COL6A5: variants seen among roughly 807,000 people sequenced by gnomAD.
COL6A5 encodes collagen type VI alpha 5 chain.
In COL6A5, 48 loss-of-function variants were observed where a neutral mutation model predicts 65.6. The observed-to-expected ratio is 0.73, with a 90% CI of 0.58 to 0.93. The LOEUF (loss-of-function observed/expected upper bound fraction) is 0.93, where lower values mean the gene tolerates loss of function less well. Ranked by LOEUF, COL6A5 falls within the 40% of genes least tolerant of loss-of-function variation. The pLI is 0.00. For missense variants in COL6A5, 914 were observed against 928.3 expected (o/e 0.98, Z 0.20); for synonymous variants, 291 against 322.8 (o/e 0.90, Z 1.05).
At chr3:130,362,308 ATATATATATATATATATATTTTTT>A (rs1190657573) in intron 1 of COL6A5, among the ~76,000 whole-genome samples, 2,035 of 21,060 alleles carry the variant, frequency 0.097, 114 homozygotes, top group South Asian at 0.24. Context: ...ATATATATAT[ATATATATATATATATATATTTTTT>A]TTTTTTTTTT....
chr3:130,382,224 A>T (rs1173480946), intron 4 of COL6A5, among the ~76,000 whole-genome samples: 1 of 152,090 alleles, frequency 6.6e-6, no homozygotes, highest in East Asian at 1.9e-4. Flanking sequence ...GAAAACAAAC[A>T]AACAAACAAC....
At chr3:130,484,216 G>T in exon 8 of COL6A5, 1 of 625,564 alleles carries the variant, frequency 1.6e-6, no homozygotes, top group East Asian at 2.9e-5. Flanking sequence ...CTCAAATCTT[G>T]AGGAGAAGAA....
intron 7 of COL6A5, among the ~76,000 whole-genome samples, chr3:130,472,777 C>A (rs962342008): frequency 4.2e-5 from 6 of 142,412 alleles, no homozygotes; most frequent in Non-Finnish European, 9.1e-5. Context: ...ATAATAAAAT[C>A]CCATATAGGG....
At chr3:130,362,252 T>TTCTTTCTCTC (rs1553744418) in intron 1 of COL6A5, among the ~76,000 whole-genome samples, 3 of 114,364 alleles carry the variant, frequency 2.6e-5, no homozygotes, top group Non-Finnish European at 5.1e-5. Context: ...TAAGGTTTCT[T>TTCTTTCTCTC]TCTCTCTCTC....
intron 7 of COL6A5, among the ~76,000 whole-genome samples, chr3:130,483,240 A>T (rs975042707): frequency 1.3e-5 from 2 of 152,180 alleles, no homozygotes; most frequent in African/African-American, 4.8e-5. Flanking sequence ...TAAATGTGGA[A>T]AGAAAAAACC....
chr3:130,385,154 A>G (rs1363557018), exon 5 of COL6A5: 1 of 1,551,120 alleles, frequency 6.4e-7, no homozygotes, highest in Non-Finnish European at 8.7e-7. Flanking sequence ...CATTGTGTTG[A>G]CTGATGGGAT....
chr3:130,358,199 A>G (rs943595220), intron 1 of COL6A5, among the ~76,000 whole-genome samples: 1 of 152,108 alleles, frequency 6.6e-6, no homozygotes, highest in East Asian at 1.9e-4. Flanking sequence ...AAAAAAAAAA[A>G]TAAATAAATA....
At chr3:130,409,383 G>T in exon 18 of COL6A5, 1 of 1,548,806 alleles carries the variant, frequency 6.5e-7, no homozygotes, top group Non-Finnish European at 8.7e-7. Flanking sequence ...CTTCCCAGGG[G>T]ATCCGGTAAG....
intron 11 of COL6A5, 150 bp downstream of exon 11, chr3:130,401,323 C>G: frequency 1.4e-6 from 1 of 691,804 alleles, no homozygotes; most frequent in Non-Finnish European, 2.3e-6. Context: ...AAGACCATAG[C>G]ATAGTATTTT....
intron 1 of COL6A5, among the ~76,000 whole-genome samples, chr3:130,352,430 G>T (rs1934757028): frequency 6.6e-6 from 1 of 151,988 alleles, no homozygotes; most frequent in African/African-American, 2.4e-5. Context: ...ATTGGCAACT[G>T]GATTCTTTGA....
intron 7 of COL6A5, among the ~76,000 whole-genome samples, chr3:130,476,460 G>C (rs1710100335): frequency 6.6e-6 from 1 of 151,968 alleles, no homozygotes; most frequent in Admixed American, 6.6e-5. Flanking sequence ...CCTGTAAATT[G>C]GTGATTCCCA....
At chr3:130,387,157 A>G (rs1015808638) in intron 5 of COL6A5, among the ~76,000 whole-genome samples, 1 of 152,018 alleles carries the variant, frequency 6.6e-6, no homozygotes, top group African/African-American at 2.4e-5. Flanking sequence ...AAGGGAGCCT[A>G]CCACACTCAA....
intron 1 of COL6A5, among the ~76,000 whole-genome samples, chr3:130,346,460 C>T (rs1934481215): frequency 6.6e-6 from 1 of 152,182 alleles, no homozygotes; most frequent in South Asian, 2.1e-4. Flanking sequence ...GAGTCAAAGG[C>T]ATTAGATACT....
intron 1 of COL6A5, among the ~76,000 whole-genome samples, chr3:130,360,060 A>G (rs1333478360): frequency 1.3e-5 from 2 of 152,112 alleles, no homozygotes; most frequent in African/African-American, 2.4e-5. Flanking sequence ...ACCAATATTT[A>G]TATTAAATCA....
chr3:130,422,998 T>C (rs1446335643), intron 28 of COL6A5, among the ~76,000 whole-genome samples: 1 of 152,136 alleles, frequency 6.6e-6, no homozygotes, highest in Non-Finnish European at 1.5e-5. Context: ...TCTAAAAGTT[T>C]ATGGTTCAAT....
At chr3:130,477,931 G>A (rs1174688183) in intron 7 of COL6A5, among the ~76,000 whole-genome samples, 23 of 151,884 alleles carry the variant, frequency 1.5e-4, no homozygotes, top group Admixed American at 1.4e-3. Context: ...AAACCAATTT[G>A]GCCACAGAAT....
chr3:130,476,859 T>C (rs1710112636), intron 7 of COL6A5: 3 of 677,556 alleles, frequency 4.4e-6, no homozygotes, highest in Non-Finnish European at 8.1e-6. Context: ...AAATAAATGA[T>C]GTCTTTAATT....
At chr3:130,435,722 T>C (rs1938012326) in intron 1 of COL6A5, among the ~76,000 whole-genome samples, 1 of 152,156 alleles carries the variant, frequency 6.6e-6, no homozygotes. Context: ...TCACTCATGA[T>C]TTGGCTCTCT....
At chr3:130,483,451 T>C (rs908910077) in intron 7 of COL6A5, among the ~76,000 whole-genome samples, 1 of 152,156 alleles carries the variant, frequency 6.6e-6, no homozygotes, top group African/African-American at 2.4e-5. Flanking sequence ...AAGAGAAAGT[T>C]GGGCTTTCTT....
Sources: allele counts gnomAD v4.1 joint callset (sites outside exome capture counted in the v4.1 genomes callset), GRCh38; gene constraint gnomAD v4.1.1; transcripts MANE v1.5; gene names NCBI Gene and HGNC (gene_info 2026-07-23, HGNC 2026-07-21).